The following KCNQ1 variants were observed in gnomAD, a reference collection of about 807,000 sequenced individuals.
The protein encoded by KCNQ1 is potassium voltage-gated channel subfamily Q member 1, also known as potassium voltage-gated channel subfamily KQT member 1.
Under a neutral mutation model 72.4 loss-of-function variants are expected in KCNQ1, and 49 were observed. The observed-to-expected ratio is 0.68, with a 90% CI of 0.54 to 0.86. KCNQ1 has a LOEUF of 0.86. KCNQ1 is among the 40% of genes least tolerant of loss of function. The pLI is 0.00. For synonymous variants in KCNQ1, 450 were observed against 412.6 expected (o/e 1.09, Z -1.10); for missense variants, 790 against 945.1 (o/e 0.84, Z 2.15).
At chr11:2,672,769 C>T (rs947385972) in intron 11 of KCNQ1, 2 of 398,794 alleles carry the variant, frequency 5.0e-6, no homozygotes, top group Non-Finnish European at 8.8e-6. Context: ...TGGCCTGTCT[C>T]CTCCCCGCAA....
chr11:2,708,549 G>A (rs952858025), intron 11 of KCNQ1, among the ~76,000 whole-genome samples: 1 of 152,142 alleles, frequency 6.6e-6, no homozygotes, highest in Non-Finnish European at 1.5e-5. Flanking sequence ...CAAGAGGGTC[G>A]GTGCGGAGAC....
intron 15 of KCNQ1, among the ~76,000 whole-genome samples, chr11:2,839,311 CT>C (rs879590552): frequency 2.6e-5 from 4 of 152,242 alleles, no homozygotes; most frequent in Non-Finnish European, 5.9e-5. Flanking sequence ...GTGGGCCCCC[CT>C]GGCTCTGCCA....
At chr11:2,530,275 C>T (rs143943875) in intron 2 of KCNQ1, among the ~76,000 whole-genome samples, 2 of 152,368 alleles carry the variant, frequency 1.3e-5, no homozygotes, top group East Asian at 3.9e-4. Context: ...CCAGCCAAGT[C>T]TCTGGCCATG....
chr11:2,789,057 C>T (rs1344622004), intron 15 of KCNQ1, among the ~76,000 whole-genome samples: 2 of 152,170 alleles, frequency 1.3e-5, no homozygotes, highest in African/African-American at 4.8e-5. Context: ...GTACCCTCCC[C>T]CAACTTCAGG....
chr11:2,756,514 G>A (rs1161149003), intron 11 of KCNQ1, among the ~76,000 whole-genome samples: 1 of 151,994 alleles, frequency 6.6e-6, no homozygotes, highest in Non-Finnish European at 1.5e-5. Context: ...AAGAAAGCAA[G>A]GGAGAGAGGA....
At chr11:2,529,133 C>G (rs1305622243) in intron 2 of KCNQ1, among the ~76,000 whole-genome samples, 1 of 152,226 alleles carries the variant, frequency 6.6e-6, no homozygotes, top group Admixed American at 6.5e-5. Flanking sequence ...TCTGTCCTGC[C>G]TGACTGGAGG....
intron 15 of KCNQ1, among the ~76,000 whole-genome samples, chr11:2,799,128 C>T (rs1347417243): frequency 5.3e-5 from 8 of 152,208 alleles, no homozygotes; most frequent in Admixed American, 4.6e-4. Context: ...AGCAAAGGAC[C>T]TGGGACAGGC....
Position 2,674,949 on chromosome 11 carries a change from G to A in KCNQ1, c.1514+12868G>A, listed in dbSNP as rs179515. 2 of 398,016 alleles carry A rather than the reference G, an allele frequency of 5.0e-6. No homozygotes were observed. Among genetic ancestry groups the A allele is most frequent in the Admixed American group, 8.8e-5 (2 of 22,676 alleles). The allele number at this position is 398,016 out of a possible 1,614,324, so 24.7% of individuals were successfully genotyped here. On this transcript the variant is annotated intron_variant, in intron 11 of 15. Coordinates refer to ENST00000155840, the MANE Select transcript of KCNQ1 (RefSeq NM_000218.3). This position sits in a 1 kb window ranked among gnomAD's most constrained non-coding sequence, Gnocchi z 5.9. ...TTTTCCAGGCCTCGCTTCTGGGGCT[G>A]ACTGGAGCTGTTTCTCTTCGTTTCC...
At position 2,764,180 on chromosome 11, in the gene KCNQ1, TTTTG is replaced by T. The variant is rs1044192723; in HGVS notation, c.1515-4660_1515-4657del. 7.4e-4 allele frequency among the ~76,000 whole-genome samples: 112 copies of T among 150,416 alleles called. No individual in the cohort carries two copies. The highest frequency in any genetic ancestry group is 2.6e-3 in the African/African-American group (108 of 41,176). On this transcript the variant is annotated intron_variant, in intron 11 of 15. Transcript: ENST00000155840. The surrounding 1 kb of genome is among the most constrained non-coding windows in gnomAD (Gnocchi z 4.8). ...TGATGTCTGCTTAGGGTTTGGGTTT[TTTTG>T]TTTTAGTTTTTGTCTTTTTTTTTTT...
rs565226716 is a variant in KCNQ1 at position 2,808,477 on chromosome 11, T to C, written c.1794+30440T>C. ...ATTTGAAAATAGCATTCAGAGTTGC[T>C]ATTAATAGGCTCTGATGCAGAACTG... On this transcript the variant is annotated intron_variant, in intron 15 of 15. Coordinates refer to ENST00000155840, the MANE Select transcript of KCNQ1 (RefSeq NM_000218.3). The surrounding 1 kb of genome is among the most constrained non-coding windows in gnomAD (Gnocchi z 6.0). Among the ~76,000 whole-genome samples the C allele has an allele frequency of 2.6e-5, 4 of 152,330 alleles. No homozygotes were observed. The East Asian group carries it at 7.7e-4, about 29-fold the overall frequency.
rs1330510575 is a variant in KCNQ1 at position 2,813,275 on chromosome 11, G to A, written c.1795-34492G>A. 2.0e-5 allele frequency among the ~76,000 whole-genome samples: 3 copies of A among 152,208 alleles called. No individual in the cohort carries two copies. The highest frequency in any genetic ancestry group is 4.4e-5 in the Non-Finnish European group (3 of 68,046). ...TTATGGAGGTCACTGATGGCCTCAG[G>A]ATGCCAGCAGGCCCTCTGATGCCCA... On this transcript the variant is annotated intron_variant, in intron 15 of 15. Coordinates refer to ENST00000155840, the MANE Select transcript of KCNQ1 (RefSeq NM_000218.3). This position sits in a 1 kb window ranked among gnomAD's most constrained non-coding sequence, Gnocchi z 4.4.
intron 10 of KCNQ1, chr11:2,610,881 C>T (rs1481098972): frequency 7.5e-6 from 3 of 398,324 alleles, no homozygotes; most frequent in Non-Finnish European, 1.3e-5. Context: ...AGCCTCACCT[C>T]CCACCATTTC....
intron 15 of KCNQ1, among the ~76,000 whole-genome samples, chr11:2,801,577 C>G (rs78868563): frequency 0.033 from 5,013 of 152,302 alleles, 271 homozygotes; most frequent in African/African-American, 0.11. Flanking sequence ...CCTATGGGAC[C>G]AAGGCCCTGC....
At chr11:2,461,381 G>C in intron 1 of KCNQ1, 1 of 1,239,912 alleles carries the variant, frequency 8.1e-7, no homozygotes, top group Non-Finnish European at 1.0e-6. Flanking sequence ...GGAACCTTGA[G>C]TGTGGAGGAG....
intron 7 of KCNQ1, among the ~76,000 whole-genome samples, chr11:2,584,718 TTGTG>T (rs147352462): frequency 2.6e-5 from 4 of 151,732 alleles, no homozygotes; most frequent in African/African-American, 7.3e-5. Context: ...TGCATATCTA[TTGTG>T]TGTGTGTGTG....
At chr11:2,760,738 G>A (rs1029980858) in intron 11 of KCNQ1, among the ~76,000 whole-genome samples, 8 of 152,184 alleles carry the variant, frequency 5.3e-5, no homozygotes, top group South Asian at 2.1e-4. Context: ...TTACCAGCTC[G>A]CTCCTGCATC....
intron 11 of KCNQ1, chr11:2,694,016 G>T: frequency 2.5e-6 from 1 of 398,696 alleles, no homozygotes; most frequent in South Asian, 1.3e-4. Flanking sequence ...CCTCCAACTT[G>T]GTCAAGCCAC....
Position 2,601,611 on chromosome 11 carries a change from T to C in KCNQ1, c.1393+12757T>C, listed in dbSNP as rs182590650. ...CCAATCCCTGGTGACCACTCATCTG[T>C]TCTCTGATTCTCTAGTTTTGTCTTT... On this transcript the variant is annotated intron_variant, in intron 10 of 15. Coordinates refer to ENST00000155840, the MANE Select transcript of KCNQ1 (RefSeq NM_000218.3). This position sits in a 1 kb window ranked among gnomAD's most constrained non-coding sequence, Gnocchi z 5.2. 5.7e-4 allele frequency among the ~76,000 whole-genome samples: 87 copies of C among 152,338 alleles called. No homozygotes were observed. Among genetic ancestry groups the C allele is most frequent in the African/African-American group, 2.0e-3 (82 of 41,582 alleles).
Position 2,670,014 on chromosome 11 carries a change from G to T in KCNQ1, c.1514+7933G>T, listed in dbSNP as rs187839576. ...CGGAATGGGGTTCAGGAGCTGTTGG[G>T]GTCCCGTGGAGGTACAGGCGGAAAC... On this transcript the variant is annotated intron_variant, in intron 11 of 15. Transcript: ENST00000155840. This position sits in a 1 kb window ranked among gnomAD's most constrained non-coding sequence, Gnocchi z 4.9. 1,578 of 398,658 alleles carry T rather than the reference G, an allele frequency of 4.0e-3. 5 individuals carry two copies. The highest frequency in any genetic ancestry group is 4.7e-3 in the Non-Finnish European group (1,071 of 226,102). The allele number at this position is 398,658 out of a possible 1,614,324, so 24.7% of individuals were successfully genotyped here. A position where few individuals can be genotyped will look rare whatever the true frequency, so the allele number is the denominator to read the frequency against.
Sources: gnomAD v4.1 joint callset for allele counts (sites outside exome capture counted in the v4.1 genomes callset) on GRCh38, gnomAD v4.1.1 for gene constraint, Gnocchi (gnomAD v3.1) non-coding constraint, MANE v1.5 for transcripts, NCBI Gene and HGNC (gene_info 2026-07-23, HGNC 2026-07-21) for gene names.